CDH23: variants seen among roughly 807,000 people sequenced by gnomAD.
CDH23 encodes the protein cadherin-23.
Under a neutral mutation model 317.1 loss-of-function variants are expected in CDH23, and 189 were observed. The observed-to-expected ratio is 0.60, with a 90% confidence interval of 0.53 to 0.67. CDH23 has a LOEUF of 0.67. Ranked by LOEUF, CDH23 falls within the 30% of genes least tolerant of loss-of-function variation. The probability of loss-of-function intolerance (pLI) is 0.00; values close to 1 mark genes in which losing one functional copy is unlikely to be tolerated. For missense variants in CDH23, 4,401 were observed against 4,592.4 expected (o/e 0.96, Z 1.20); for synonymous variants, 1,839 against 1,876.8 (o/e 0.98, Z 0.52).
intron 48 of CDH23, 173 bp from the exon 49 acceptor site, chr10:71,796,931 C>T (rs910618991): frequency 1.1e-5 from 6 of 566,172 alleles, no homozygotes; most frequent in African/African-American, 5.6e-5. Context: ...GGCAGAGCCA[C>T]GTGACCCAAG....
intron 68 of CDH23, 125 bp from the exon 69 acceptor site, chr10:71,813,119 T>C (rs1841998302): frequency 1.8e-6 from 2 of 1,135,640 alleles, no homozygotes; most frequent in Admixed American, 4.2e-5. Context: ...GCTCTGCCGC[T>C]GATCCTCTGC....
At chr10:71,405,477 G>C (rs1403055542) in intron 1 of CDH23, among the ~76,000 whole-genome samples, 2 of 147,208 alleles carry the variant, frequency 1.4e-5, no homozygotes, top group Middle Eastern at 6.9e-3. Context: ...CCTGTCGCCC[G>C]GACTGGAATG....
At chr10:71,402,741 G>C (rs1313698235) in intron 1 of CDH23, among the ~76,000 whole-genome samples, 1 of 146,564 alleles carries the variant, frequency 6.8e-6, no homozygotes, top group Non-Finnish European at 1.5e-5. Context: ...GTGTGTGTGT[G>C]TGTGCACGCG....
chr10:71,676,558 C>T (rs1392948611), intron 15 of CDH23, among the ~76,000 whole-genome samples: 2 of 152,134 alleles, frequency 1.3e-5, no homozygotes, highest in Non-Finnish European at 2.9e-5. Flanking sequence ...ACCTGGGAGG[C>T]AGAGGTTGCA....
rs1294140541 is a variant in CDH23 at position 71,793,116 on chromosome 10, G to A, written c.6254-66G>A. ...GGACTTGAGAAGATCACCAACAAATGTGTCTTGGTAGATCTTTCTGGAAGA... is the reference window on the plus strand; with the variant it reads ...GGACTTGAGAAGATCACCAACAAATATGTCTTGGTAGATCTTTCTGGAAGA... On this transcript the variant is annotated intron_variant, in intron 47 of 69. Transcript: ENST00000224721. 4.0e-6 allele frequency: 5 copies of A among 1,234,648 alleles called. No individual in the cohort carries two copies. The African/African-American group carries it at 7.5e-5, about 19-fold the overall frequency. The allele number at this position is 1,234,648 out of a possible 1,614,324, so 76.5% of individuals were successfully genotyped here.
At chr10:71,403,369 T>A (rs1448212753) in intron 1 of CDH23, among the ~76,000 whole-genome samples, 1 of 112,026 alleles carries the variant, frequency 8.9e-6, no homozygotes, top group Non-Finnish European at 1.7e-5. Context: ...CTTTCTTTCT[T>A]TCTTTCTTTC....
At chr10:71,752,807 C>T (rs1840039173) in intron 38 of CDH23, among the ~76,000 whole-genome samples, 1 of 152,186 alleles carries the variant, frequency 6.6e-6, no homozygotes, top group Non-Finnish European at 1.5e-5. Context: ...GTCGGGGTGG[C>T]AGGAGAACAG....
intron 6 of CDH23, among the ~76,000 whole-genome samples, chr10:71,557,995 CTTAT>C (rs34583697): frequency 6.7e-6 from 1 of 148,930 alleles, no homozygotes; most frequent in African/African-American, 2.5e-5. Flanking sequence ...TTTTTTTTAA[CTTAT>C]TTATTTATTT....
At chr10:71,410,417 TATG>T (rs1302242320) in intron 1 of CDH23, among the ~76,000 whole-genome samples, 1 of 152,162 alleles carries the variant, frequency 6.6e-6, no homozygotes, top group Non-Finnish European at 1.5e-5. Context: ...AGCTTTGCTC[TATG>T]CCCACCAGCA....
At chr10:71,723,259 T>C (rs1275086272) in intron 28 of CDH23, among the ~76,000 whole-genome samples, 2 of 152,128 alleles carry the variant, frequency 1.3e-5, no homozygotes, top group African/African-American at 4.8e-5. Flanking sequence ...CCACTTGTTT[T>C]GGGTGGGCAG....
intron 6 of CDH23, among the ~76,000 whole-genome samples, chr10:71,528,124 CCGTGGCCTGGCTGAATA>C (rs1247949712): frequency 1.3e-5 from 2 of 152,194 alleles, no homozygotes; most frequent in African/African-American, 4.8e-5. Flanking sequence ...TCTCTCCAGG[CCGTGGCCTGGCTGAATA>C]ATGCCATCAT....
At chr10:71,609,087 T>C (rs1396882420) in intron 9 of CDH23, among the ~76,000 whole-genome samples, 1 of 151,892 alleles carries the variant, frequency 6.6e-6, no homozygotes, top group African/African-American at 2.4e-5. Flanking sequence ...GTGGGAATGA[T>C]GAGATTTGGC....
At chr10:71,790,594 G>A (rs1281651515) in intron 46 of CDH23, among the ~76,000 whole-genome samples, 181 bp downstream of exon 46, 1 of 152,206 alleles carries the variant, frequency 6.6e-6, no homozygotes. Context: ...CTGGCAGGGG[G>A]ACGTGGGAAG....
At chr10:71,404,624 G>T (rs1848012572) in intron 1 of CDH23, among the ~76,000 whole-genome samples, 1 of 152,244 alleles carries the variant, frequency 6.6e-6, no homozygotes, top group African/African-American at 2.4e-5. Context: ...CCAGTCAAGG[G>T]CAGAGCCCTG....
At chr10:71,524,451 A>C (rs1854904482) in intron 6 of CDH23, among the ~76,000 whole-genome samples, 1 of 152,202 alleles carries the variant, frequency 6.6e-6, no homozygotes. Context: ...AGAAGGGCTG[A>C]GTCTGGCCTC....
chr10:71,809,696 G>A, intron 60 of CDH23, 124 bp from the exon 61 acceptor site: 1 of 1,375,168 alleles, frequency 7.3e-7, no homozygotes, highest in East Asian at 2.3e-5. Flanking sequence ...GCTCCCTGCT[G>A]TGCCCTGTGG....
intron 1 of CDH23, among the ~76,000 whole-genome samples, chr10:71,435,488 G>T (rs1322083172): frequency 6.6e-6 from 1 of 152,226 alleles, no homozygotes. Context: ...GGAGTCTGAG[G>T]GCTTTGGGGA....
rs1388642121 is a variant in CDH23 at position 71,732,492 on chromosome 10, T to C, written c.4104+117T>C. ...ATAAAATGTCCTTGAGATGGCCAAG[T>C]GTGGTGTTAGGTACCTGTAGTCCCA... On this transcript the variant is annotated intron_variant, in intron 32 of 69. Coordinates refer to ENST00000224721, the MANE Select transcript of CDH23 (RefSeq NM_022124.6). 2.8e-6 allele frequency: 4 copies of C among 1,447,846 alleles called. No individual in the cohort carries two copies. In the South Asian group the frequency reaches 3.9e-5, roughly 14 times the overall value. The allele number at this position is 1,447,846 out of a possible 1,614,324, so 89.7% of individuals were successfully genotyped here. A position where few individuals can be genotyped will look rare whatever the true frequency, so the allele number is the denominator to read the frequency against.
chr10:71,494,948 G>C (rs755171362), intron 3 of CDH23, among the ~76,000 whole-genome samples: 3 of 152,056 alleles, frequency 2.0e-5, no homozygotes, highest in Admixed American at 6.5e-5. Flanking sequence ...GTGTACCCAG[G>C]GGGAGAGGAA....
Sources: allele counts gnomAD v4.1 joint callset (sites outside exome capture counted in the v4.1 genomes callset), GRCh38; gene constraint gnomAD v4.1.1; transcripts MANE v1.5; gene names NCBI Gene and HGNC (gene_info 2026-07-23, HGNC 2026-07-21).